The following TPTE2 variants were observed in gnomAD, a reference collection of about 807,000 sequenced individuals.
TPTE2 encodes the protein phosphatidylinositol 3,4,5-trisphosphate 3-phosphatase TPTE2.
In TPTE2, 53 loss-of-function variants were observed where a neutral mutation model predicts 78.6. That is an observed-to-expected ratio of 0.67 (90% CI 0.54 to 0.85). TPTE2 has a LOEUF of 0.85. Among genes scored for constraint, TPTE2 ranks in the 40% least tolerant of loss-of-function variants. The probability of loss-of-function intolerance (pLI) is 0.00; values close to 1 mark genes in which losing one functional copy is unlikely to be tolerated. For synonymous variants in TPTE2, 175 were observed against 206.2 expected, an observed-to-expected ratio of 0.85 and a Z score of 1.30; for missense variants, 461 against 623.0, an observed-to-expected ratio of 0.74 and a Z score of 2.77.
the TPTE2 span, among the ~76,000 whole-genome samples, chr13:19,557,776 C>A: frequency 6.6e-6 from 1 of 152,006 alleles, no homozygotes; most frequent in Non-Finnish European, 1.5e-5. Context: ...TAAGGAAGGA[C>A]ATCTTGGAAA....
upstream of TPTE2, among the ~76,000 whole-genome samples, chr13:19,506,235 G>A (rs1169616954): frequency 1.6e-5 from 2 of 122,786 alleles, no homozygotes; most frequent in African/African-American, 5.9e-5. Flanking sequence ...GCAGTGGCGG[G>A]ATCTCGGCTC....
exon 11 of TPTE2, chr13:19,451,200 T>C: frequency 6.2e-7 from 1 of 1,613,514 alleles, no homozygotes; most frequent in Non-Finnish European, 8.5e-7. Context: ...GTTTCGATGT[T>C]TCTTATCTAG....
At chr13:19,497,017 C>A (rs375649596) in intron 1 of TPTE2, among the ~76,000 whole-genome samples, 1 of 152,110 alleles carries the variant, frequency 6.6e-6, no homozygotes. Context: ...GTTCCCTTTC[C>A]GAGTCAAAGA....
At chr13:19,425,687 C>T (rs1306148441) in intron 18 of TPTE2, 1 of 512,108 alleles carries the variant, frequency 2.0e-6, no homozygotes, top group Non-Finnish European at 3.9e-6. Flanking sequence ...CTCAGGAAAC[C>T]TGCTCAGGTA....
intron 1 of TPTE2, among the ~76,000 whole-genome samples, chr13:19,496,751 A>G (rs992855495): frequency 5.3e-5 from 8 of 152,096 alleles, no homozygotes; most frequent in African/African-American, 1.9e-4. Flanking sequence ...TCTCAAACTC[A>G]GGAAATCTGA....
rs184541633 is a variant in TPTE2 at position 19,521,412 on chromosome 13, G to A, written c.-44+15184C>T. On this transcript the variant is annotated intron_variant, in intron 1 of 17. Transcript: ENST00000390680. Reference sequence around the variant, plus strand: ...CTTTATTTAGTTAGTTAGTTTTTTGGTTACTGTTTGCTTGTTATATCTTTT... The same window carrying A: ...CTTTATTTAGTTAGTTAGTTTTTTGATTACTGTTTGCTTGTTATATCTTTT... 7.2e-4 allele frequency among the ~76,000 whole-genome samples: 108 copies of A among 150,802 alleles called. 1 individual carries two copies. Among genetic ancestry groups the A allele is most frequent in the African/African-American group, 2.4e-3 (97 of 41,150 alleles).
At chr13:19,499,100 T>C (rs1040955192) in intron 1 of TPTE2, among the ~76,000 whole-genome samples, 2 of 152,266 alleles carry the variant, frequency 1.3e-5, no homozygotes, top group Admixed American at 6.5e-5. Flanking sequence ...AAGAGCTAAC[T>C]ATCCTAAATA....
At chr13:19,534,731 A>C (rs1324014165) in intron 1 of TPTE2, among the ~76,000 whole-genome samples, 1 of 152,250 alleles carries the variant, frequency 6.6e-6, no homozygotes, top group African/African-American at 2.4e-5. Context: ...AGATTTGGTT[A>C]CTTAGAATAA....
intron 17 of TPTE2, among the ~76,000 whole-genome samples, chr13:19,428,063 G>T (rs1187928255): frequency 6.6e-6 from 1 of 152,202 alleles, no homozygotes. Context: ...ATTGAATTGG[G>T]CATGAAGCAG....
In TPTE2 at chr13:19,443,779, C is replaced by CACACACACAG. The variant is rs34742234; in HGVS notation, c.974-5627_974-5626insCTGTGTGTGT. On this transcript the variant is annotated intron_variant, in intron 13 of 19. Coordinates refer to ENST00000400230, the Ensembl canonical transcript of TPTE2. ...ACACACACACACACACACACACACA[C>CACACACACAG]AGTCGTTAAGCAATTGGAGAGATGT... is the stretch of plus-strand genomic sequence containing the variant. Among the ~76,000 whole-genome samples, 538 of 146,366 alleles carry CACACACACAG rather than the reference C, an allele frequency of 3.7e-3. 10 individuals carry two copies. The highest frequency in any genetic ancestry group is 4.2e-3 in the Admixed American group (61 of 14,604).
chr13:19,443,397 C>CTTTTTTTTTTT (rs71092357), intron 13 of TPTE2, among the ~76,000 whole-genome samples: 2 of 129,914 alleles, frequency 1.5e-5, no homozygotes, highest in African/African-American at 2.7e-5. Flanking sequence ...TTCTTTCTTT[C>CTTTTTTTTTTT]TTTTTTTTTT....
intron 15 of TPTE2, among the ~76,000 whole-genome samples, chr13:19,434,102 TACAA>T (rs1284323189): frequency 2.0e-5 from 3 of 152,196 alleles, no homozygotes; most frequent in African/African-American, 7.2e-5. Context: ...AGGCACTCAC[TACAA>T]ACAAAGAAAA....
chr13:19,507,354 T>C (rs1400639818), upstream of TPTE2, among the ~76,000 whole-genome samples: 3 of 104,020 alleles, frequency 2.9e-5, no homozygotes, highest in Admixed American at 1.9e-4. Context: ...TTGGAAACAA[T>C]AGTGACCATC....
intron 1 of TPTE2, among the ~76,000 whole-genome samples, chr13:19,532,953 T>C (rs1255114677): frequency 6.6e-6 from 1 of 152,036 alleles, no homozygotes; most frequent in Admixed American, 6.6e-5. Flanking sequence ...CAATTTATGA[T>C]GACACCTCAA....
chr13:19,512,696 A>T (rs974406902), intron 1 of TPTE2, among the ~76,000 whole-genome samples: 3 of 151,944 alleles, frequency 2.0e-5, no homozygotes, highest in African/African-American at 7.3e-5. Context: ...CTTCTGCCTC[A>T]GCCTCCCGAG....
At chr13:19,423,107 A>T (rs780874714) in exon 20 of TPTE2, 6 of 1,612,198 alleles carry the variant, frequency 3.7e-6, no homozygotes, top group Non-Finnish European at 5.1e-6. Flanking sequence ...CTGGTGGATA[A>T]ATTTTCCATG....
chr13:19,427,987 T>A (rs1029710975), intron 17 of TPTE2, among the ~76,000 whole-genome samples: 29 of 152,316 alleles, frequency 1.9e-4, no homozygotes, highest in African/African-American at 6.7e-4. Flanking sequence ...GGGTGTGCTG[T>A]TATGTACTAC....
At chr13:19,517,034 C>A (rs558946646) in intron 1 of TPTE2, among the ~76,000 whole-genome samples, 54 of 152,282 alleles carry the variant, frequency 3.5e-4, no homozygotes, top group African/African-American at 1.3e-3. Context: ...GTGGCCCAAG[C>A]ACATCTTTGG....
chr13:19,500,787 G>C (rs1407293562), intron 1 of TPTE2, among the ~76,000 whole-genome samples: 6 of 148,474 alleles, frequency 4.0e-5, no homozygotes, highest in Admixed American at 2.0e-4. Flanking sequence ...CATAGTGTTG[G>C]AAGTTCTGGC....
Sources: allele counts gnomAD v4.1 joint callset (sites outside exome capture counted in the v4.1 genomes callset), GRCh38; gene constraint gnomAD v4.1.1; transcripts MANE v1.5; gene names NCBI Gene and HGNC (gene_info 2026-07-23, HGNC 2026-07-21).